The following ABCB4 variants were observed in gnomAD, a reference collection of about 807,000 sequenced individuals.
The protein encoded by ABCB4 is phosphatidylcholine translocator ABCB4.
Under a neutral mutation model 145.7 loss-of-function variants are expected in ABCB4, and 76 were observed. That is an observed-to-expected ratio of 0.52 (90% CI 0.43 to 0.63). The LOEUF (loss-of-function observed/expected upper bound fraction) is 0.63. Among genes scored for constraint, ABCB4 ranks in the 30% least tolerant of loss-of-function variants. The probability of loss-of-function intolerance (pLI) is 0.00; values close to 1 mark genes in which losing one functional copy is unlikely to be tolerated. For synonymous variants in ABCB4, 517 were observed against 566.8 expected (o/e 0.91, Z 1.25); for missense variants, 1,234 against 1,553.1 (o/e 0.79, Z 3.45).
At chr7:87,459,845 A>T (rs17149658) in intron 4 of ABCB4, among the ~76,000 whole-genome samples, 3,617 of 152,330 alleles carry the variant, frequency 0.024, 141 homozygotes, top group African/African-American at 0.083. Flanking sequence ...ACATGAACAG[A>T]TAAAGTTGGG....
At chr7:87,377,276 A>C in the ABCB4 span, 1 of 857,832 alleles carries the variant, frequency 1.2e-6, no homozygotes, top group Middle Eastern at 3.3e-4. Flanking sequence ...GAGATGATAT[A>C]TGTGTTTAAG....
intron 2 of ABCB4, among the ~76,000 whole-genome samples, chr7:87,473,423 C>G (rs911976345): frequency 1.3e-5 from 2 of 152,208 alleles, no homozygotes; most frequent in Non-Finnish European, 2.9e-5. Context: ...ATGTACCTGA[C>G]TCAGGGTCTT....
rs762080664 is a variant in ABCB4, at chr7:87,447,180, T to A, written c.859A>T (p.Lys287Ter). 6.2e-7 allele frequency: 1 copy of A among 1,613,890 alleles called. No individual in the cohort carries two copies. ...ATAGCTTTTTTAATTCCAATCTCTT[T>A]GGCATTTTCTAAATGTTTCTGATAC... Reference protein sequence around the residue: ...ERYQKHLENAKEIGIKKAISA... With the variant: ...ERYQKHLENA The change falls in exon 9 of 28, where the codon AAA becomes TAA. Residue 287 changes from lysine to a stop codon, truncating the protein, a stop_gained. Coordinates refer to ENST00000649586, the MANE Select transcript of ABCB4 (RefSeq NM_000443.4). LOFTEE classifies it high-confidence loss of function.
At chr7:87,450,613 A>T (rs187564512) in intron 7 of ABCB4, among the ~76,000 whole-genome samples, 2 of 151,910 alleles carry the variant, frequency 1.3e-5, no homozygotes, top group East Asian at 3.9e-4. Context: ...TGGGACTACA[A>T]GTGCACACCA....
Position 87,428,002 on chromosome 7 carries a change from A to C in ABCB4, c.1894-1082T>G, listed in dbSNP as rs45462795. 5.6e-3 allele frequency among the ~76,000 whole-genome samples: 857 copies of C among 152,252 alleles called. 13 individuals carry two copies. The highest frequency in any genetic ancestry group is 0.019 in the African/African-American group (793 of 41,542). On this transcript the variant is annotated intron_variant, in intron 15 of 27. Coordinates refer to ENST00000649586, the MANE Select transcript of ABCB4 (RefSeq NM_000443.4). ...GATTTATTTTCCTAAAGGGCAGCTCAAAATCATCCCCAGCTTCCCACTACC... is the reference window on the plus strand; with the variant it reads ...GATTTATTTTCCTAAAGGGCAGCTCCAAATCATCCCCAGCTTCCCACTACC...
chr7:87,408,080 A>T lies in ABCB4; in HGVS notation c.3236T>A (p.Val1079Asp). 1 of 1,614,156 alleles carries T rather than the reference A, an allele frequency of 6.2e-7. No homozygotes were observed. The highest frequency in any genetic ancestry group is 1.1e-5 in the South Asian group (1 of 91,074). Residue 1079 changes from valine (V) to aspartate (D), a missense_variant, in exon 25 of 28, where the codon GTC becomes GAC. Val to Asp is a radical substitution (Grantham distance 152). Transcript: ENST00000649586. ...GSSGCGKSTV[V>D]QLLERFYDPL... The stretch of plus-strand genomic sequence containing the variant: ...GTCGTAGAACCGCTCCAGGAGCTGG[A>T]CCACCGTGCTCTTCCCACAGCCACT...
At chr7:87,431,643 G>T in intron 14 of ABCB4, 78 bp from the exon 15 acceptor site, 1 of 1,548,332 alleles carries the variant, frequency 6.5e-7, no homozygotes, top group East Asian at 2.2e-5. Context: ...TAAGCACTTG[G>T]ATGAATGCTG....
At chr7:87,420,219 A>G (rs1367418938) in intron 18 of ABCB4, 144 bp from the exon 19 acceptor site, 2 of 743,462 alleles carry the variant, frequency 2.7e-6, no homozygotes, top group Non-Finnish European at 4.7e-6. Context: ...TAACCTGAGC[A>G]GCCCCAGATG....
chr7:87,380,630 A>G, the ABCB4 span, among the ~76,000 whole-genome samples: 1 of 152,226 alleles, frequency 6.6e-6, no homozygotes, highest in East Asian at 1.9e-4. Flanking sequence ...ATGTGAACAA[A>G]TAAAGCATCA....
the ABCB4 span, among the ~76,000 whole-genome samples, chr7:87,378,346 C>CAA: frequency 0.68 from 90,593 of 132,526 alleles, 32,336 homozygotes; most frequent in Non-Finnish European, 0.78. Context: ...ACTCCGACTC[C>CAA]AAAAAAAAAA....
chr7:87,462,500 C>A (rs1812528360), intron 4 of ABCB4, among the ~76,000 whole-genome samples: 1 of 152,114 alleles, frequency 6.6e-6, no homozygotes, highest in Non-Finnish European at 1.5e-5. Flanking sequence ...AGAGTGACTT[C>A]CTTACTTTAT....
chr7:87,436,588 G>A (rs1584734993), intron 14 of ABCB4, among the ~76,000 whole-genome samples: 1 of 152,088 alleles, frequency 6.6e-6, no homozygotes, highest in African/African-American at 2.4e-5. Flanking sequence ...CCACTCAGCT[G>A]CAGATACAGA....
downstream of ABCB4, chr7:87,398,731 G>A: frequency 7.9e-7 from 1 of 1,272,924 alleles, no homozygotes; most frequent in Non-Finnish European, 1.1e-6. Flanking sequence ...GGGAAGGAAT[G>A]TTGACTTGCT....
intron 9 of ABCB4, 51 bp downstream of exon 9, chr7:87,446,983 T>C (rs1292645908): frequency 1.3e-6 from 2 of 1,499,546 alleles, no homozygotes; most frequent in Admixed American, 1.7e-5. Flanking sequence ...AGAAGGTAGA[T>C]GGAGAAATAA....
At chr7:87,387,954 T>C in the ABCB4 span, among the ~76,000 whole-genome samples, 2 of 152,086 alleles carry the variant, frequency 1.3e-5, no homozygotes, top group Non-Finnish European at 2.9e-5. Context: ...TTTGGCACCA[T>C]TGAGTAGGAC....
At chr7:87,452,816 G>A (rs1811836233) in intron 6 of ABCB4, 128 bp downstream of exon 6, 2 of 1,095,572 alleles carry the variant, frequency 1.8e-6, no homozygotes, top group Admixed American at 2.0e-5. Flanking sequence ...ATGGCTGCCA[G>A]ATGATCGATT....
At position 87,402,177 on chromosome 7, in the gene ABCB4, A is replaced by G; in HGVS notation, c.3759T>C (p.His1253=). Residue 1253 remains histidine (H), a synonymous_variant, in exon 28 of 28, where the codon CAT becomes CAC. Transcript: ENST00000649586. ...GTGCCAGCAGCTGCTGATGCGTGCCATGCTCCTTGACTCTCCCATTCTGAA... is the reference window on the plus strand; with the variant it reads ...GTGCCAGCAGCTGCTGATGCGTGCCGTGCTCCTTGACTCTCCCATTCTGAA... ...VVFQNGRVKE[H]GTHQQLLAQK... 1.2e-6 allele frequency: 2 copies of G among 1,614,100 alleles called. No homozygotes were observed. The highest frequency in any genetic ancestry group is 4.5e-5 in the East Asian group (2 of 44,882).
chr7:87,397,142 A>G (rs987510342), downstream of ABCB4, among the ~76,000 whole-genome samples: 1 of 152,174 alleles, frequency 6.6e-6, no homozygotes. Flanking sequence ...ACTTGAGGCC[A>G]GGAGTTCAAG....
Position 87,474,885 on chromosome 7 carries a change from C to T in ABCB4, c.80+501G>A, listed in dbSNP as rs555548975. Among the ~76,000 whole-genome samples, 8 of 152,090 alleles carry T rather than the reference C, an allele frequency of 5.3e-5. No individual in the cohort carries two copies. In the South Asian group the frequency reaches 1.7e-3, roughly 32 times the overall value. ...CCCAGAAAGGAGAAATACAAATAAG[C>T]CTGGCGATGAGAGGAGGGGGAGGGG... On this transcript the variant is annotated intron_variant, in intron 2 of 27. Transcript: ENST00000649586.
Sources: gnomAD v4.1 joint callset for allele counts (sites outside exome capture counted in the v4.1 genomes callset) on GRCh38, gnomAD v4.1.1 for gene constraint, MANE v1.5 for transcripts, NCBI Gene and HGNC (gene_info 2026-07-23, HGNC 2026-07-21) for gene names.